FBXL2: variants seen among roughly 807,000 people sequenced by gnomAD.
FBXL2 encodes F-box and leucine rich repeat protein 2, also known as F-box/LRR-repeat protein 2.
In FBXL2, 38 loss-of-function variants were observed where a neutral mutation model predicts 69.2. The ratio of observed to expected loss-of-function variants is 0.55; its 90% CI spans 0.42 to 0.72. FBXL2 has a LOEUF of 0.72. Among genes scored for constraint, FBXL2 ranks in the 30% least tolerant of loss-of-function variants. FBXL2 has a pLI of 0.00. For synonymous variants in FBXL2, 192 were observed against 201.3 expected (o/e 0.95, Z 0.39); for missense variants, 354 against 520.3 (o/e 0.68, Z 3.11).
intron 4 of FBXL2, among the ~76,000 whole-genome samples, chr3:33,363,170 A>G (rs1414182098): frequency 6.6e-6 from 1 of 152,110 alleles, no homozygotes; most frequent in East Asian, 1.9e-4. Flanking sequence ...CCTCCCAAGT[A>G]GCTAGGACTA....
intron 2 of FBXL2, among the ~76,000 whole-genome samples, chr3:33,346,043 A>G (rs2040407277): frequency 6.6e-6 from 1 of 152,076 alleles, no homozygotes; most frequent in African/African-American, 2.4e-5. Flanking sequence ...CCTGGCCAAC[A>G]TGGTTGAAAC....
intron 13 of FBXL2, among the ~76,000 whole-genome samples, chr3:33,382,275 A>G (rs2043115384): frequency 6.6e-6 from 1 of 152,228 alleles, no homozygotes; most frequent in Admixed American, 6.5e-5. Flanking sequence ...AGTAAAATAT[A>G]CATGTAGAAA....
downstream of FBXL2, chr3:33,392,626 A>T (rs774726794): frequency 2.5e-6 from 4 of 1,606,496 alleles, no homozygotes; most frequent in Non-Finnish European, 3.4e-6. Flanking sequence ...TGGAAGGATA[A>T]AGTAAATGCG....
chr3:33,398,795 C>T (rs1013346038), intron 12 of FBXL2, among the ~76,000 whole-genome samples: 2 of 152,174 alleles, frequency 1.3e-5, no homozygotes, highest in African/African-American at 2.4e-5. Context: ...TTCCAAATGT[C>T]GGCGCTTTTT....
chr3:33,340,919 A>AAT (rs1491583501), intron 2 of FBXL2, among the ~76,000 whole-genome samples: 1 of 145,844 alleles, frequency 6.9e-6, no homozygotes, highest in East Asian at 2.0e-4. Flanking sequence ...AAAAAAAAAA[A>AAT]GAAGAGGAAG....
intron 2 of FBXL2, among the ~76,000 whole-genome samples, chr3:33,321,428 TCA>T (rs1385404272): frequency 6.6e-6 from 1 of 152,118 alleles, no homozygotes; most frequent in African/African-American, 2.4e-5. Flanking sequence ...AAAAGATACT[TCA>T]CATCACTAGT....
intron 12 of FBXL2, chr3:33,397,002 A>G: frequency 6.5e-7 from 1 of 1,545,070 alleles, no homozygotes; most frequent in Middle Eastern, 1.7e-4. Flanking sequence ...ACGCGAAGAA[A>G]GGTACATTCT....
At chr3:33,411,532 G>T in the FBXL2 span, 1 of 1,491,026 alleles carries the variant, frequency 6.7e-7, no homozygotes, top group Non-Finnish European at 9.4e-7. Context: ...ATCCTACCAT[G>T]ACCTAAATAA....
At chr3:33,288,229 C>T (rs1407086744) in intron 1 of FBXL2, among the ~76,000 whole-genome samples, 2 of 152,238 alleles carry the variant, frequency 1.3e-5, no homozygotes, top group African/African-American at 4.8e-5. Context: ...GCTGCCTCTA[C>T]AGCTGCGTCT....
upstream of FBXL2, chr3:33,277,436 G>T (rs2033379524): frequency 8.8e-6 from 11 of 1,248,598 alleles, no homozygotes; most frequent in South Asian, 3.5e-4. Flanking sequence ...GGGGCGCCTG[G>T]CTGGCGTCAC....
intron 2 of FBXL2, among the ~76,000 whole-genome samples, chr3:33,328,486 G>A (rs563306960): frequency 1.3e-5 from 2 of 152,220 alleles, no homozygotes; most frequent in Admixed American, 6.5e-5. Context: ...TATGGTGCTG[G>A]TATAGAAACA....
rs13076964 is a variant in FBXL2, at chr3:33,277,469, G to C, written c.-44G>C. The C allele has an allele frequency of 7.9e-7, 1 of 1,273,088 alleles. No homozygotes were observed. The highest frequency in any genetic ancestry group is 1.0e-6 in the Non-Finnish European group (1 of 1,002,430). The allele number at this position is 1,273,088 out of a possible 1,614,324, so 78.9% of individuals were successfully genotyped here. ...CACCAGGACAACGGGCGTCGCCGGC[G>C]CCGTGTGACTTCGGGCTGTGGGCTC... is the stretch of plus-strand genomic sequence containing the variant. On this transcript the variant is annotated 5_prime_UTR_variant, in exon 1 of 15. Coordinates refer to ENST00000484457, the MANE Select transcript of FBXL2 (RefSeq NM_012157.5).
Position 33,384,684 on chromosome 3 carries a change from T to G in FBXL2, c.1164+483T>G, listed in dbSNP as rs2043295192. Among the ~76,000 whole-genome samples the G allele has an allele frequency of 3.3e-5, 5 of 152,266 alleles. No homozygotes were observed. The South Asian group carries it at 1.0e-3, about 32-fold the overall frequency. Reference sequence around the variant, plus strand: ...TTGCTTAGACTCCACCCTGGAAGATTCAACTTGAGTTGGGTCTGGGCTGGA... The same window carrying G: ...TTGCTTAGACTCCACCCTGGAAGATGCAACTTGAGTTGGGTCTGGGCTGGA... On this transcript the variant is annotated intron_variant, in intron 14 of 14. Transcript: ENST00000484457.
chr3:33,387,867 G>A lies in FBXL2; in HGVS notation c.*2259G>A, dbSNP rs112860333. 0.013 allele frequency: 2,013 copies of A among 152,150 alleles called. 18 individuals are homozygous for A. Among genetic ancestry groups the A allele is most frequent in the South Asian group, 0.027 (128 of 4,824 alleles). The allele number at this position is 152,150 out of a possible 1,614,324, so 9.4% of individuals were successfully genotyped here. On this transcript the variant is annotated 3_prime_UTR_variant, in exon 15 of 15. Coordinates refer to ENST00000484457, the MANE Select transcript of FBXL2 (RefSeq NM_012157.5). ...GCGGATCGTGAGATCAGGAGATCAA[G>A]ACCATCCTGGCTAACACAGTGAAAC...
chr3:33,407,828 T>C (rs557630114), downstream of FBXL2, among the ~76,000 whole-genome samples: 4 of 152,354 alleles, frequency 2.6e-5, no homozygotes, highest in South Asian at 6.2e-4. Context: ...ATACATATGA[T>C]GACAATTATT....
intron 12 of FBXL2, chr3:33,396,379 G>T: frequency 1.1e-6 from 1 of 878,874 alleles, no homozygotes; most frequent in Non-Finnish European, 1.7e-6. Flanking sequence ...ATTTCCTTAT[G>T]AGAACTTTAT....
intron 2 of FBXL2, among the ~76,000 whole-genome samples, chr3:33,345,928 T>C (rs888342989): frequency 2.0e-5 from 3 of 152,140 alleles, no homozygotes; most frequent in African/African-American, 7.2e-5. Flanking sequence ...AAAATAAAGA[T>C]CTAAGATTGA....
chr3:33,359,764 A>C (rs2041481520), intron 4 of FBXL2, among the ~76,000 whole-genome samples: 1 of 152,012 alleles, frequency 6.6e-6, no homozygotes, highest in Admixed American at 6.6e-5. Context: ...TGGAGATCTA[A>C]AGTGTCACCC....
intron 4 of FBXL2, among the ~76,000 whole-genome samples, chr3:33,361,384 G>T (rs2041617832): frequency 6.6e-6 from 1 of 152,106 alleles, no homozygotes; most frequent in African/African-American, 2.4e-5. Context: ...AATGGCACAT[G>T]CCTGTAGTCC....
Sources: allele counts gnomAD v4.1 joint callset (sites outside exome capture counted in the v4.1 genomes callset), GRCh38; gene constraint gnomAD v4.1.1; transcripts MANE v1.5; gene names NCBI Gene and HGNC (gene_info 2026-07-23, HGNC 2026-07-21).